DLG2: variants seen among roughly 807,000 people sequenced by gnomAD.
DLG2 encodes the protein disks large homolog 2.
DLG2 carries 45 observed loss-of-function variants against 132.5 expected under a neutral mutation model. The observed-to-expected ratio is 0.34, with a 90% CI of 0.27 to 0.44. The LOEUF (loss-of-function observed/expected upper bound fraction) is 0.44, where lower values mean the gene tolerates loss of function less well. DLG2 is among the 20% of genes least tolerant of loss of function. DLG2 has a pLI of 1.00. For missense variants in DLG2, 1,045 were observed against 1,196.9 expected, an observed-to-expected ratio of 0.87 and a Z score of 1.87; for synonymous variants, 424 against 419.6, an observed-to-expected ratio of 1.01 and a Z score of -0.13.
intron 4 of DLG2, among the ~76,000 whole-genome samples, chr11:85,272,996 A>C (rs1231893016): frequency 6.6e-6 from 1 of 152,214 alleles, no homozygotes; most frequent in Non-Finnish European, 1.5e-5. Context: ...AAAAACAAGA[A>C]ATGGGGAAAG....
Position 85,436,734 on chromosome 11 carries a change from A to T in DLG2, c.41-151369T>A, listed in dbSNP as rs529757391. On this transcript the variant is annotated intron_variant, in intron 3 of 27. Coordinates refer to ENST00000376104, the MANE Select transcript of DLG2 (RefSeq NM_001142699.3). ...TATAAATTAGTCCAACCATTGTAGAAGACAGTGTGGTGATTCCTCAAGGGT... is the reference window on the plus strand; with the variant it reads ...TATAAATTAGTCCAACCATTGTAGATGACAGTGTGGTGATTCCTCAAGGGT... Among the ~76,000 whole-genome samples, 5 of 152,336 alleles carry T rather than the reference A, an allele frequency of 3.3e-5. No individual in the cohort carries two copies. In the East Asian group the frequency reaches 9.6e-4, roughly 29 times the overall value.
intron 6 of DLG2, among the ~76,000 whole-genome samples, chr11:85,109,821 G>A (rs1167872875): frequency 2.0e-5 from 3 of 152,058 alleles, no homozygotes; most frequent in South Asian, 2.1e-4. Context: ...GAAAACACAC[G>A]TTCTATGGTA....
At chr11:85,578,116 A>AC (rs979899769) in intron 3 of DLG2, among the ~76,000 whole-genome samples, 2 of 152,194 alleles carry the variant, frequency 1.3e-5, no homozygotes, top group African/African-American at 4.8e-5. Flanking sequence ...TCTTCGACAA[A>AC]CCTGACAAAA....
At chr11:83,740,368 C>G (rs1221329994) in intron 18 of DLG2, among the ~76,000 whole-genome samples, 1 of 152,160 alleles carries the variant, frequency 6.6e-6, no homozygotes, top group Non-Finnish European at 1.5e-5. Flanking sequence ...GGATGATCTT[C>G]ACAAGCATCA....
At chr11:85,460,846 T>C (rs1441568330) in intron 3 of DLG2, among the ~76,000 whole-genome samples, 1 of 152,242 alleles carries the variant, frequency 6.6e-6, no homozygotes, top group African/African-American at 2.4e-5. Flanking sequence ...TTGTAATTTA[T>C]GTATATTTGT....
At chr11:84,819,362 G>A (rs2077430451) in intron 6 of DLG2, among the ~76,000 whole-genome samples, 2 of 151,894 alleles carry the variant, frequency 1.3e-5, no homozygotes, top group South Asian at 4.1e-4. Context: ...GACTTCCAGT[G>A]CATGTCAGCA....
At chr11:85,506,156 C>T (rs1015975363) in intron 3 of DLG2, among the ~76,000 whole-genome samples, 1 of 151,880 alleles carries the variant, frequency 6.6e-6, no homozygotes, top group African/African-American at 2.4e-5. Context: ...TTGATCTTTT[C>T]AAAAAACCAG....
intron 18 of DLG2, among the ~76,000 whole-genome samples, chr11:83,701,091 A>G (rs2082853393): frequency 6.6e-6 from 1 of 152,172 alleles, no homozygotes; most frequent in Admixed American, 6.5e-5. Flanking sequence ...AGATTCTATA[A>G]AAGGAGCAAG....
chr11:85,434,853 G>A (rs938059376), intron 3 of DLG2, among the ~76,000 whole-genome samples: 1 of 152,048 alleles, frequency 6.6e-6, no homozygotes, highest in Non-Finnish European at 1.5e-5. Context: ...CCAAAAATTG[G>A]CAGAGACACA....
intron 6 of DLG2, among the ~76,000 whole-genome samples, chr11:84,908,160 C>T (rs1242344029): frequency 1.3e-5 from 2 of 151,742 alleles, no homozygotes; most frequent in Non-Finnish European, 2.9e-5. Flanking sequence ...AAATGAGAGC[C>T]ATATATGTAA....
At chr11:84,266,304 C>T (rs149581081) in intron 7 of DLG2, among the ~76,000 whole-genome samples, 2 of 152,260 alleles carry the variant, frequency 1.3e-5, no homozygotes, top group Non-Finnish European at 2.9e-5. Context: ...CCTAAAGTGA[C>T]AATTTCATTC....
intron 6 of DLG2, among the ~76,000 whole-genome samples, chr11:85,092,286 C>T (rs547064452): frequency 1.4e-4 from 22 of 152,134 alleles, no homozygotes; most frequent in African/African-American, 5.1e-4. Flanking sequence ...TGGTCATAAT[C>T]CCAAAAGACA....
In DLG2 at chr11:85,394,777, C is replaced by T. The variant is rs74757732; in HGVS notation, c.41-109412G>A. Among the ~76,000 whole-genome samples, 1,242 of 152,244 alleles carry T rather than the reference C, an allele frequency of 8.2e-3. 16 individuals are homozygous for T. The highest frequency in any genetic ancestry group is 0.028 in the African/African-American group (1,169 of 41,528). ...GACTCCATCTCAGATGCTAATCTGC[C>T]ATGTTGACTTCTGGTTAGCCCCAAC... is the stretch of plus-strand genomic sequence containing the variant. On this transcript the variant is annotated intron_variant, in intron 3 of 27. Transcript: ENST00000376104.
chr11:84,260,933 G>A (rs1423399274), intron 7 of DLG2, among the ~76,000 whole-genome samples: 1 of 152,128 alleles, frequency 6.6e-6, no homozygotes, highest in Non-Finnish European at 1.5e-5. Flanking sequence ...AATCTCAAAT[G>A]TGGTTTAGTC....
chr11:85,116,124 T>C (rs1317460925), intron 5 of DLG2, among the ~76,000 whole-genome samples: 2 of 152,036 alleles, frequency 1.3e-5, no homozygotes, highest in East Asian at 1.9e-4. Context: ...GCTTTTTGCA[T>C]GCAGAACTAA....
intron 7 of DLG2, among the ~76,000 whole-genome samples, chr11:84,476,571 A>G (rs761179364): frequency 3.9e-5 from 6 of 152,200 alleles, no homozygotes; most frequent in Non-Finnish European, 7.3e-5. Flanking sequence ...ACAGTTTACA[A>G]ATGTTAATTG....
intron 8 of DLG2, among the ~76,000 whole-genome samples, chr11:84,205,129 G>T (rs1166308032): frequency 2.0e-5 from 3 of 152,128 alleles, no homozygotes; most frequent in Admixed American, 1.3e-4. Flanking sequence ...GTAAAACAAG[G>T]AGCAAAACGG....
intron 7 of DLG2, among the ~76,000 whole-genome samples, chr11:84,388,418 C>A (rs2098779834): frequency 6.6e-6 from 1 of 151,952 alleles, no homozygotes; most frequent in Admixed American, 6.6e-5. Context: ...TCCCACTAGT[C>A]TTTGGTTTGC....
At chr11:85,213,951 G>A (rs1483274125) in intron 4 of DLG2, among the ~76,000 whole-genome samples, 1 of 152,090 alleles carries the variant, frequency 6.6e-6, no homozygotes, top group African/African-American at 2.4e-5. Flanking sequence ...ATTGCCACAG[G>A]CCTCAGTTCA....
Sources: gnomAD v4.1 joint callset for allele counts (sites outside exome capture counted in the v4.1 genomes callset) on GRCh38, gnomAD v4.1.1 for gene constraint, MANE v1.5 for transcripts, NCBI Gene and HGNC (gene_info 2026-07-23, HGNC 2026-07-21) for gene names.